XKR3: variants seen among roughly 807,000 people sequenced by gnomAD.
The protein encoded by XKR3 is XK-related protein 3.
A neutral mutation model predicts 40.3 loss-of-function variants in XKR3; 27 were observed. The observed-to-expected ratio is 0.67, with a 90% CI of 0.49 to 0.92. The LOEUF (loss-of-function observed/expected upper bound fraction) is 0.92. Ranked by LOEUF, XKR3 falls within the 40% of genes least tolerant of loss-of-function variation. XKR3 has a pLI of 0.00. For synonymous variants in XKR3, 193 were observed against 195.4 expected (o/e 0.99, Z 0.10); for missense variants, 472 against 537.6 (o/e 0.88, Z 1.21).
intron 3 of XKR3, among the ~76,000 whole-genome samples, chr22:16,794,677 CTAACAACA>C (rs2060133345): frequency 6.6e-6 from 1 of 152,170 alleles, no homozygotes; most frequent in African/African-American, 2.4e-5. Flanking sequence ...TAACAACCAG[CTAACAACA>C]TAACAGGATC....
intron 1 of XKR3, among the ~76,000 whole-genome samples, chr22:16,813,325 A>C (rs1569043073): frequency 6.6e-6 from 1 of 151,066 alleles, no homozygotes; most frequent in Non-Finnish European, 1.5e-5. Context: ...AAAAAAAAAC[A>C]AGAAGAAGAT....
chr22:16,808,029 T>G lies in XKR3; in HGVS notation c.45A>C (p.Gly15=). 6.2e-7 allele frequency: 1 copy of G among 1,613,020 alleles called. No homozygotes were observed. Among genetic ancestry groups the G allele is most frequent in the Non-Finnish European group, 8.5e-7 (1 of 1,179,588 alleles). ...CTATTTCTTCTTTCGAAGATGAAAC[T>G]CCTCCTGTGCTTTCTTCATCCATCT... The part of the protein sequence containing the change: ...FEEMDEESTG[G]VSSSKEEIVL... The change falls in exon 2 of 4, where the codon GGA becomes GGC. Residue 15 remains glycine (G), a synonymous_variant. Coordinates refer to ENST00000684488, the MANE Select transcript of XKR3 (RefSeq NM_001386955.1).
At position 16,796,226 on chromosome 22, in the gene XKR3, T is replaced by TA. The variant is rs747099807; in HGVS notation, c.589+3544dup. On this transcript the variant is annotated intron_variant, in intron 3 of 3. Transcript: ENST00000684488. The stretch of plus-strand genomic sequence containing the variant: ...GGTAATAAAGAACCTACCAATATTT[T>TA]AAAAAAAAATCCCTGGAGCAGATGA... Among the ~76,000 whole-genome samples the TA allele has an allele frequency of 2.0e-3, 310 of 151,750 alleles. 5 individuals carry two copies. In the Middle Eastern group the frequency reaches 0.031, roughly 15 times the overall value.
intron 1 of XKR3, among the ~76,000 whole-genome samples, chr22:16,812,158 AG>A (rs1305053953): frequency 6.6e-6 from 1 of 152,224 alleles, no homozygotes; most frequent in African/African-American, 2.4e-5. Context: ...GACTGGAGAA[AG>A]CATGCTTTCA....
At position 16,784,155 on chromosome 22, in the gene XKR3, C is replaced by G. The variant is rs745381810; in HGVS notation, c.844G>C (p.Glu282Gln). Residue 282 changes from glutamate (E) to glutamine (Q), a missense_variant, in exon 4 of 4, where the codon GAG (glutamate) becomes CAG (glutamine). Transcript: ENST00000684488. ...YFVSLLAPWLEFWKSGAHLPG... is the reference protein window; with the variant it reads ...YFVSLLAPWLQFWKSGAHLPG... ...AGATGAGCTCCACTTTTCCAAAACT[C>G]CAGCCACGGTGCCAACAATGATACA... 1 of 1,614,192 alleles carries G rather than the reference C, an allele frequency of 6.2e-7. No individual in the cohort carries two copies. Among genetic ancestry groups the G allele is most frequent in the Admixed American group, 1.7e-5 (1 of 60,026 alleles).
intron 1 of XKR3, among the ~76,000 whole-genome samples, chr22:16,812,454 A>AT (rs1202766486): frequency 3.9e-5 from 6 of 152,170 alleles, no homozygotes; most frequent in Non-Finnish European, 8.8e-5. Context: ...AGGCAGGCAG[A>AT]TCACGAGGTC....
In XKR3 at chr22:16,824,292, T is replaced by C. The variant is rs145509565; in HGVS notation, c.-11+999A>G. Among the ~76,000 whole-genome samples, 20 of 151,854 alleles carry C rather than the reference T, an allele frequency of 1.3e-4. No homozygotes were observed. In the East Asian group the frequency reaches 3.9e-3, roughly 30 times the overall value. On this transcript the variant is annotated intron_variant, in intron 1 of 3. Transcript: ENST00000684488. ...AATCATGTGCAGATGATATAATTAC[T>C]TATCTAGAGGCACCATAAAAATGTT...
intron 1 of XKR3, among the ~76,000 whole-genome samples, chr22:16,823,914 G>C (rs2060265370): frequency 6.6e-6 from 1 of 151,950 alleles, no homozygotes; most frequent in African/African-American, 2.4e-5. Context: ...GATAATTCAA[G>C]GCTGCTGAAA....
intron 1 of XKR3, among the ~76,000 whole-genome samples, chr22:16,822,548 C>G (rs2060261255): frequency 6.6e-6 from 1 of 152,026 alleles, no homozygotes; most frequent in South Asian, 2.1e-4. Context: ...ATAGTAAAAT[C>G]CAGTTATATG....
chr22:16,817,056 T>C (rs1405715496), intron 1 of XKR3, among the ~76,000 whole-genome samples: 1 of 152,076 alleles, frequency 6.6e-6, no homozygotes, highest in Non-Finnish European at 1.5e-5. Flanking sequence ...TCAGATCCAC[T>C]TAGAAAATTA....
chr22:16,784,154 T>C lies in XKR3; in HGVS notation c.845A>G (p.Glu282Gly), dbSNP rs1183303494. ...AAGATGAGCTCCACTTTTCCAAAAC[T>C]CCAGCCACGGTGCCAACAATGATAC... ...YFVSLLAPWL[E>G]FWKSGAHLPG... The change falls in exon 4 of 4, where the codon GAG (glutamate) becomes GGG (glycine). Residue 282 changes from glutamate (E) to glycine (G), a missense_variant. Coordinates refer to ENST00000684488, the MANE Select transcript of XKR3 (RefSeq NM_001386955.1). The C allele has an allele frequency of 2.5e-6, 4 of 1,614,036 alleles. No homozygotes were observed. In the African/African-American group the frequency reaches 5.3e-5, roughly 22 times the overall value.
intron 1 of XKR3, among the ~76,000 whole-genome samples, chr22:16,813,335 T>A (rs1394052402): frequency 2.0e-5 from 3 of 151,700 alleles, no homozygotes; most frequent in African/African-American, 4.9e-5. Flanking sequence ...AAGAAGAAGA[T>A]AAAGATAATG....
At chr22:16,812,023 A>G (rs1435058471) in intron 1 of XKR3, among the ~76,000 whole-genome samples, 1 of 152,048 alleles carries the variant, frequency 6.6e-6, no homozygotes, top group East Asian at 1.9e-4. Context: ...AACAAAACAA[A>G]CAAAAAACAA....
chr22:16,800,743 A>G (rs2060165417), intron 2 of XKR3, among the ~76,000 whole-genome samples: 3 of 152,216 alleles, frequency 2.0e-5, no homozygotes, highest in African/African-American at 7.2e-5. Context: ...AAAAATCACA[A>G]AACATGAATA....
Position 16,807,805 on chromosome 22 carries a change from T to C in XKR3, c.269A>G (p.Lys90Arg). ...TGCAGCCTTATTTCTCCTCAAGTCT[T>C]TGTTGAAAAACATCAGGATAATTTG... ...LDQIILMFFN[K>R]DLRRNKAALL... The change falls in exon 2 of 4, where the codon AAA (lysine) becomes AGA (arginine). Residue 90 changes from lysine (K) to arginine (R), a missense_variant. Lys to Arg is a conservative substitution (Grantham distance 26, BLOSUM62 2). Transcript: ENST00000684488. 1 of 1,613,800 alleles carries C rather than the reference T, an allele frequency of 6.2e-7. No homozygotes were observed. The highest frequency in any genetic ancestry group is 8.5e-7 in the Non-Finnish European group (1 of 1,179,798).
intron 3 of XKR3, among the ~76,000 whole-genome samples, chr22:16,785,767 GA>G (rs2060087814): frequency 6.6e-6 from 1 of 152,138 alleles, no homozygotes; most frequent in Admixed American, 6.5e-5. Flanking sequence ...GCAATTACTT[GA>G]ACCCAGGAGG....
chr22:16,796,238 C>T (rs1397364308), intron 3 of XKR3, among the ~76,000 whole-genome samples: 3 of 152,092 alleles, frequency 2.0e-5, no homozygotes, highest in South Asian at 2.1e-4. Context: ...AAAAAAAATC[C>T]CTGGAGCAGA....
At chr22:16,799,217 T>A (rs1422494410) in intron 3 of XKR3, among the ~76,000 whole-genome samples, 1 of 151,464 alleles carries the variant, frequency 6.6e-6, no homozygotes, top group Non-Finnish European at 1.5e-5. Context: ...ATCGAGACCA[T>A]CCTGGCTAAC....
rs2060267524 is a variant in XKR3, at chr22:16,824,688, AT to A, written c.-11+602del. On this transcript the variant is annotated intron_variant, in intron 1 of 3. Coordinates refer to ENST00000684488, the MANE Select transcript of XKR3 (RefSeq NM_001386955.1). ...AATATATCCCACTCTCTCCCCAGCA[AT>A]CCATACATCGAATATGATATTAATG... Among the ~76,000 whole-genome samples the A allele has an allele frequency of 2.0e-5, 3 of 152,150 alleles. No homozygotes were observed. The South Asian group carries it at 6.2e-4, about 31-fold the overall frequency.
Sources: gnomAD v4.1 joint callset for allele counts (sites outside exome capture counted in the v4.1 genomes callset) on GRCh38, gnomAD v4.1.1 for gene constraint, MANE v1.5 for transcripts, NCBI Gene and HGNC (gene_info 2026-07-23, HGNC 2026-07-21) for gene names.